The following RAD51B variants were observed in gnomAD, a reference collection of about 807,000 sequenced individuals.
RAD51B encodes DNA repair protein RAD51 homolog 2.
RAD51B carries 38 observed loss-of-function variants against 42.2 expected under a neutral mutation model. That is an observed-to-expected ratio of 0.90 (90% confidence interval 0.70 to 1.18). RAD51B has a LOEUF of 1.18. Among genes scored for constraint, RAD51B ranks in the 50% most tolerant of loss-of-function variants. RAD51B has a pLI of 0.00. For synonymous variants in RAD51B, 154 were observed against 145.2 expected (o/e 1.06, Z -0.43); for missense variants, 373 against 400.7 (o/e 0.93, Z 0.59).
chr14:68,308,249 C>G (rs2081906983), intron 8 of RAD51B, among the ~76,000 whole-genome samples: 1 of 152,096 alleles, frequency 6.6e-6, no homozygotes, highest in South Asian at 2.1e-4. Context: ...ATCCAATATG[C>G]CTTCTTTTCT....
chr14:68,235,754 G>T (rs1027500060), intron 7 of RAD51B, among the ~76,000 whole-genome samples: 1 of 149,300 alleles, frequency 6.7e-6, no homozygotes, highest in Non-Finnish European at 1.5e-5. Context: ...TTACCTGCGT[G>T]CATGTGTTCA....
At chr14:68,395,786 G>A (rs2083899600) in intron 8 of RAD51B, among the ~76,000 whole-genome samples, 1 of 152,174 alleles carries the variant, frequency 6.6e-6, no homozygotes, top group South Asian at 2.1e-4. Flanking sequence ...AGGGGTGTTT[G>A]CCCCAGGACT....
chr14:67,943,132 C>A (rs1347344321), intron 7 of RAD51B, among the ~76,000 whole-genome samples: 1 of 151,696 alleles, frequency 6.6e-6, no homozygotes, highest in East Asian at 1.9e-4. Flanking sequence ...TCTTTTATTG[C>A]TTTCAAAAGT....
intron 7 of RAD51B, among the ~76,000 whole-genome samples, chr14:67,947,868 A>G (rs2045449025): frequency 6.6e-6 from 1 of 152,254 alleles, no homozygotes; most frequent in African/African-American, 2.4e-5. Context: ...TTTCAATTAG[A>G]TATTTAAGAA....
chr14:68,190,052 T>A (rs1321766328), intron 7 of RAD51B, among the ~76,000 whole-genome samples: 1 of 152,190 alleles, frequency 6.6e-6, no homozygotes, highest in Non-Finnish European at 1.5e-5. Context: ...CAAATTAATT[T>A]CAAAATAATT....
chr14:68,444,440 TTG>T (rs3837661), intron 9 of RAD51B, among the ~76,000 whole-genome samples: 17,442 of 150,084 alleles, frequency 0.12, 1,194 homozygotes, highest in African/African-American at 0.2. Flanking sequence ...GAATTGTGAA[TTG>T]TGTGTGTGTG....
chr14:68,320,133 A>C (rs1390965770), intron 8 of RAD51B, among the ~76,000 whole-genome samples: 1 of 152,132 alleles, frequency 6.6e-6, no homozygotes, highest in Non-Finnish European at 1.5e-5. Flanking sequence ...GTTTGGCTTG[A>C]TATTGGAATC....
Position 68,648,036 on chromosome 14 carries a change from T to TATACAC in RAD51B, c.1037-2744_1037-2743insTACACA, listed in dbSNP as rs375269798. On this transcript the variant is annotated intron_variant, in intron 10 of 11. Coordinates refer to the RAD51B transcript ENST00000488612. ...ATATATATATACGTATATATATATA[T>TATACAC]ACACACGTATATAGATGTGTGTGTG... Among the ~76,000 whole-genome samples, 45 of 114,006 alleles carry TATACAC rather than the reference T, an allele frequency of 3.9e-4. 2 individuals carry two copies. The highest frequency in any genetic ancestry group is 4.7e-3 in the Middle Eastern group (1 of 212). The allele number at this position is 114,006 out of a possible 152,430, so 74.8% of individuals were successfully genotyped here.
chr14:67,894,005 C>T (rs761971849), intron 7 of RAD51B, among the ~76,000 whole-genome samples: 7 of 152,168 alleles, frequency 4.6e-5, no homozygotes, highest in African/African-American at 9.7e-5. Context: ...TGGAGTTAGA[C>T]GTTGGTTTGA....
At chr14:68,583,053 A>G (rs1890283481) in intron 10 of RAD51B, among the ~76,000 whole-genome samples, 1 of 152,194 alleles carries the variant, frequency 6.6e-6, no homozygotes. Context: ...TAATGTAGAT[A>G]ACAGGTTGAT....
In RAD51B at chr14:68,042,363, C is replaced by T. The variant is rs563235333; in HGVS notation, c.756+155159C>T. 1.2e-4 allele frequency among the ~76,000 whole-genome samples: 19 copies of T among 152,196 alleles called. No homozygotes were observed. In the South Asian group the frequency reaches 4.0e-3, roughly 32 times the overall value. ...TTGAATAGCGTTAAAGGGGAGTGGACTCATTTGAATTACAGGAGGTACTGA... is the reference window on the plus strand; with the variant it reads ...TTGAATAGCGTTAAAGGGGAGTGGATTCATTTGAATTACAGGAGGTACTGA... On this transcript the variant is annotated intron_variant, in intron 7 of 10. Coordinates refer to ENST00000471583, the MANE Select transcript of RAD51B (RefSeq NM_133510.4).
Position 67,965,121 on chromosome 14 carries a change from T to A in RAD51B, c.756+77917T>A, listed in dbSNP as rs2074744537. Reference sequence around the variant, plus strand: ...CAGTAAGGGTTGCTATCCTAGTAAGTAGTTCAACCAATCCCAAACTAATTT... The same window carrying A: ...CAGTAAGGGTTGCTATCCTAGTAAGAAGTTCAACCAATCCCAAACTAATTT... On this transcript the variant is annotated intron_variant, in intron 7 of 10. Transcript: ENST00000471583. 2.0e-5 allele frequency among the ~76,000 whole-genome samples: 3 copies of A among 152,280 alleles called. No homozygotes were observed. The South Asian group carries it at 6.2e-4, about 32-fold the overall frequency.
At chr14:68,044,997 TGGGA>T (rs1231684120) in intron 7 of RAD51B, among the ~76,000 whole-genome samples, 1 of 152,066 alleles carries the variant, frequency 6.6e-6, no homozygotes, top group African/African-American at 2.4e-5. Flanking sequence ...CCCAGCACTT[TGGGA>T]GGCCAAGGCG....
intron 10 of RAD51B, among the ~76,000 whole-genome samples, chr14:68,508,182 G>A (rs1885475002): frequency 6.6e-6 from 1 of 152,286 alleles, no homozygotes; most frequent in Middle Eastern, 3.4e-3. Context: ...AGTTGTTGAT[G>A]GTGATGGAAG....
intron 3 of RAD51B, among the ~76,000 whole-genome samples, 158 bp from the exon 4 acceptor site, chr14:67,834,922 G>T (rs1191943876): frequency 6.6e-6 from 1 of 152,088 alleles, no homozygotes; most frequent in East Asian, 1.9e-4. Context: ...ATCTAGCACA[G>T]TCCCTGGCAC....
intron 10 of RAD51B, among the ~76,000 whole-genome samples, chr14:68,637,370 C>T (rs1595040990): frequency 6.6e-6 from 1 of 152,222 alleles, no homozygotes; most frequent in East Asian, 1.9e-4. Context: ...TGAGCCACCT[C>T]ACTCGGACTT....
At chr14:68,460,385 G>A (rs781691220) in intron 9 of RAD51B, among the ~76,000 whole-genome samples, 6 of 152,062 alleles carry the variant, frequency 3.9e-5, no homozygotes, top group East Asian at 1.9e-4. Context: ...CCTGTGAGGC[G>A]GAGGTTGCAG....
chr14:68,124,930 C>T (rs1204395373), intron 7 of RAD51B: 2 of 147,692 alleles, frequency 1.4e-5, no homozygotes, highest in African/African-American at 5.1e-5. Context: ...GCCTGGGTGA[C>T]AGAGCAAGAC....
At chr14:68,627,783 T>C (rs1332520666) in intron 10 of RAD51B, among the ~76,000 whole-genome samples, 2 of 152,200 alleles carry the variant, frequency 1.3e-5, no homozygotes, top group Non-Finnish European at 2.9e-5. Context: ...CAACACAATG[T>C]ATTTAAATAG....
Sources: gnomAD v4.1 joint callset for allele counts (sites outside exome capture counted in the v4.1 genomes callset) on GRCh38, gnomAD v4.1.1 for gene constraint, MANE v1.5 for transcripts, NCBI Gene and HGNC (gene_info 2026-07-23, HGNC 2026-07-21) for gene names.